Variants in BEST1 observed in about 807,000 individuals in gnomAD.
The protein encoded by BEST1 is bestrophin-1.
BEST1 carries 58 observed loss-of-function variants against 63.3 expected under a neutral mutation model. The ratio of observed to expected loss-of-function variants is 0.92; its 90% CI spans 0.74 to 1.14. The LOEUF (loss-of-function observed/expected upper bound fraction) is 1.14, where lower values mean the gene tolerates loss of function less well. BEST1 is among the 50% of genes most tolerant of loss of function. The pLI is 0.00. For missense variants in BEST1, 671 were observed against 740.1 expected (o/e 0.91, Z 1.08); for synonymous variants, 283 against 291.6 (o/e 0.97, Z 0.30).
At chr11:61,952,605 T>TA (rs1940828369) in intron 2 of BEST1, among the ~76,000 whole-genome samples, 1 of 149,974 alleles carries the variant, frequency 6.7e-6, no homozygotes, top group Non-Finnish European at 1.5e-5. Flanking sequence ...TAGCTGGAAT[T>TA]ATAGGCACAC....
chr11:61,955,309 G>C (rs1379760951), intron 3 of BEST1, 108 bp downstream of exon 3: 1 of 1,575,926 alleles, frequency 6.3e-7, no homozygotes, highest in Non-Finnish European at 8.6e-7. Context: ...AGGGGGCGGG[G>C]GAACGCCAGC....
At chr11:61,964,044 T>C in intron 10 of BEST1, 60 bp from the exon 11 acceptor site, 1 of 1,611,786 alleles carries the variant, frequency 6.2e-7, no homozygotes, top group East Asian at 2.2e-5. Flanking sequence ...TGCAACATTT[T>C]GGTATTTGAA....
intron 2 of BEST1, 83 bp downstream of exon 2, chr11:61,952,041 AG>A: frequency 6.6e-7 from 1 of 1,509,468 alleles, no homozygotes; most frequent in Non-Finnish European, 9.1e-7. Flanking sequence ...CAGCCAGCTC[AG>A]GGGCCAGTGT....
Position 61,955,137 on chromosome 11 carries a change from G to T in BEST1, c.183G>T (p.Met61Ile), listed in dbSNP as rs757939429. The change falls in exon 3 of 11, where the codon ATG becomes ATT. Residue 61 changes from methionine (M) to isoleucine (I), a missense_variant. Physicochemically the swap from Met to Ile is conservative, Grantham distance 10 (BLOSUM62 1). Coordinates refer to ENST00000378043, the MANE Select transcript of BEST1 (RefSeq NM_004183.4). ...CCCTCACGGAAGAACAACAGCTGATGTTTGAGAAACTGACTCTGTATTGCG... is the reference window on the plus strand; with the variant it reads ...CCCTCACGGAAGAACAACAGCTGATTTTTGAGAAACTGACTCTGTATTGCG... ...RLALTEEQQL[M>I]FEKLTLYCDS... The T allele has an allele frequency of 4.3e-6, 7 of 1,613,200 alleles. No individual in the cohort carries two copies. The East Asian group carries it at 1.6e-4, about 36-fold the overall frequency.
At chr11:61,953,246 G>A (rs1026414266) in intron 2 of BEST1, among the ~76,000 whole-genome samples, 2 of 151,942 alleles carry the variant, frequency 1.3e-5, no homozygotes, top group Non-Finnish European at 2.9e-5. Flanking sequence ...TAGCAACAAG[G>A]CACATTTGGT....
chr11:61,958,904 AC>A (rs1941713998), intron 7 of BEST1: 1 of 25,736 alleles, frequency 3.9e-5, no homozygotes. Context: ...ACACACACAC[AC>A]ATACACACAC....
chr11:61,958,343 G>C, intron 7 of BEST1, 45 bp downstream of exon 7: 1 of 1,613,918 alleles, frequency 6.2e-7, no homozygotes. Flanking sequence ...ATGGCCAGAG[G>C]GGTCATGGCC....
At chr11:61,956,108 G>C (rs1941320182) in intron 4 of BEST1, among the ~76,000 whole-genome samples, 157 bp downstream of exon 4, 1 of 152,168 alleles carries the variant, frequency 6.6e-6, no homozygotes, top group Non-Finnish European at 1.5e-5. Flanking sequence ...GGTCCAATTG[G>C]GCGGGACAGA....
intron 4 of BEST1, 88 bp from the exon 5 acceptor site, chr11:61,956,756 G>T: frequency 6.6e-7 from 1 of 1,515,372 alleles, no homozygotes. Context: ...GATGGCAAAG[G>T]AGTGCTGAGG....
chr11:61,960,403 C>T, intron 9 of BEST1: 1 of 328,664 alleles, frequency 3.0e-6, no homozygotes, highest in East Asian at 7.5e-5. Context: ...CAGTATCTCG[C>T]TCTGTCGCCC....
chr11:61,961,944 G>A (rs541978501), intron 9 of BEST1: 221 of 418,160 alleles, frequency 5.3e-4, no homozygotes, highest in Middle Eastern at 1.4e-3. Flanking sequence ...CTGACTGCCT[G>A]GAGTGAGGGG....
At chr11:61,965,371 T>G (rs1284909114), downstream of BEST1, 4 of 1,613,076 alleles carry the variant, frequency 2.5e-6, no homozygotes, top group Non-Finnish European at 3.4e-6. Context: ...TTGTTCACCT[T>G]GATATCCTGA....
At chr11:61,960,791 T>A (rs1274203756) in intron 9 of BEST1, 1 of 153,314 alleles carries the variant, frequency 6.5e-6, no homozygotes, top group Non-Finnish European at 1.5e-5. Context: ...TCCTACCGAG[T>A]AAAGGGCTCA....
Position 61,959,586 on chromosome 11 carries a change from G to A in BEST1, c.948+8G>A, listed in dbSNP as rs1223913970. ...GTCGACAGGAATTTGCAGGTATGGG[G>A]AGAGGGAGAGAAACCATACCATGGA... On this transcript the variant is annotated splice_region_variant and intron_variant, in intron 8 of 10. Transcript: ENST00000378043. 1.9e-6 allele frequency: 3 copies of A among 1,614,022 alleles called. No homozygotes were observed. The highest frequency in any genetic ancestry group is 3.3e-5 in the Admixed American group (2 of 60,018).
chr11:61,952,351 T>C (rs1457187087), intron 2 of BEST1, among the ~76,000 whole-genome samples: 2 of 151,946 alleles, frequency 1.3e-5, no homozygotes, highest in East Asian at 1.9e-4. Flanking sequence ...CTCACTGTGT[T>C]GTCCAGGCTG....
At chr11:61,958,492 G>A (rs761241878) in intron 7 of BEST1, 194 bp downstream of exon 7, 80 of 1,468,240 alleles carry the variant, frequency 5.4e-5, no homozygotes, top group Admixed American at 3.9e-4. Context: ...CCCGGGAGGC[G>A]GAGGTTGTGG....
chr11:61,963,094 T>C, intron 10 of BEST1: 1 of 1,468,750 alleles, frequency 6.8e-7, no homozygotes, highest in Non-Finnish European at 9.0e-7. Flanking sequence ...GGACCTTTTC[T>C]CACTTCACCC....
chr11:61,959,079 T>A (rs779081831), intron 7 of BEST1: 13 of 299,572 alleles, frequency 4.3e-5, no homozygotes, highest in Non-Finnish European at 7.9e-5. Flanking sequence ...TGTCACCTCT[T>A]CGGGGCTTTG....
At chr11:61,957,327 G>A (rs1941479527) in intron 5 of BEST1, 60 bp from the exon 6 acceptor site, 1 of 1,487,854 alleles carries the variant, frequency 6.7e-7, no homozygotes, top group Admixed American at 1.7e-5. Context: ...AGAGGTGGGG[G>A]CGAGCCCAGG....
Sources: gnomAD v4.1 joint callset for allele counts (sites outside exome capture counted in the v4.1 genomes callset) on GRCh38, gnomAD v4.1.1 for gene constraint, MANE v1.5 for transcripts, NCBI Gene and HGNC (gene_info 2026-07-23, HGNC 2026-07-21) for gene names.